Variants in C4orf54 observed in about 807,000 individuals in gnomAD.
C4orf54 encodes chromosome 4 open reading frame 54.
C4orf54 carries 67 observed loss-of-function variants against 80.1 expected under a neutral mutation model. The ratio of observed to expected loss-of-function variants is 0.84; its 90% CI spans 0.69 to 1.03. The LOEUF (loss-of-function observed/expected upper bound fraction) is 1.03, where lower values mean the gene tolerates loss of function less well. C4orf54 is among the 50% of genes least tolerant of loss of function. C4orf54 has a pLI of 0.00. For missense variants in C4orf54, 2,434 were observed against 2,253.5 expected (o/e 1.08, Z -1.62); for synonymous variants, 1,000 against 917.0 (o/e 1.09, Z -1.64).
chr4:99,650,608 G>A lies in C4orf54; in HGVS notation c.4041C>T (p.Pro1347=). Residue 1347 remains proline, a synonymous_variant, in exon 2 of 3, where the codon CCC becomes CCT. Transcript: ENST00000511828. ...CCCTGGCAGACACACTCTCAGCGCT[G>A]GGGTTGGAGTTTCTCCGCTGCAGAC... The part of the protein sequence containing the change: ...IERLQRRNSN[P]SAESVSARAA... 1 of 1,536,084 alleles carries A rather than the reference G, an allele frequency of 6.5e-7. No individual in the cohort carries two copies. The highest frequency in any genetic ancestry group is 8.7e-7 in the Non-Finnish European group (1 of 1,146,892).
rs1372027631 is a variant in C4orf54 at position 99,653,211 on chromosome 4, G to A, written c.1438C>T (p.Pro480Ser). The A allele has an allele frequency of 2.0e-6, 3 of 1,535,054 alleles. No homozygotes were observed. Among genetic ancestry groups the A allele is most frequent in the South Asian group, 1.2e-5 (1 of 84,004 alleles). Residue 480 changes from proline (P) to serine (S), a missense_variant, in exon 2 of 3, where the codon CCC becomes TCC. By Grantham distance (74) the Pro-to-Ser change is moderately conservative. Transcript: ENST00000511828. ...GSGPSDSGPT[P>S]PPTGPGTAPL... ...GCAGTGCCAGGCCCAGTGGGTGGGGGAGTGGGGCCACTGTCAGAGGGGCCA... is the reference window on the plus strand; with the variant it reads ...GCAGTGCCAGGCCCAGTGGGTGGGGAAGTGGGGCCACTGTCAGAGGGGCCA...
chr4:99,643,016 C>T (rs939404319), intron 2 of C4orf54, among the ~76,000 whole-genome samples: 2 of 152,180 alleles, frequency 1.3e-5, no homozygotes, highest in African/African-American at 4.8e-5. Flanking sequence ...GCTGTGGGCA[C>T]TGCCTCCGGT....
chr4:99,655,181 G>A (rs1346111942), intron 1 of C4orf54, among the ~76,000 whole-genome samples: 1 of 152,142 alleles, frequency 6.6e-6, no homozygotes, highest in Non-Finnish European at 1.5e-5. Context: ...AACACGACCT[G>A]TTTGGTTCAA....
In C4orf54 at chr4:99,656,411, CT is replaced by C. The variant is rs1369495415; in HGVS notation, c.-32+1083del. Among the ~76,000 whole-genome samples the C allele has an allele frequency of 1.7e-4, 26 of 152,204 alleles. No homozygotes were observed. The East Asian group carries it at 3.3e-3, about 19-fold the overall frequency. ...TCTCGTACCTCAGCCTCCTTAGCAG[CT>C]GGGACCACAGGAGCACCCCACCACG... is the stretch of plus-strand genomic sequence containing the variant. On this transcript the variant is annotated intron_variant, in intron 1 of 2. Coordinates refer to ENST00000511828, the MANE Select transcript of C4orf54 (RefSeq NM_001354435.2).
chr4:99,651,840 G>T lies in C4orf54; in HGVS notation c.2809C>A (p.Leu937Ile). 2.0e-6 allele frequency: 3 copies of T among 1,536,140 alleles called. No homozygotes were observed. The highest frequency in any genetic ancestry group is 1.7e-4 in the Middle Eastern group (1 of 5,990). ...CGGAACGCACTGTTCTGACTACGGA[G>T]GAAGATGCCCTTGACGGTCTCTGAG... Reference protein sequence around the residue: ...SASETVKGIFLRSQNSAFRSW... With the variant: ...SASETVKGIFIRSQNSAFRSW... Residue 937 changes from leucine to isoleucine, a missense_variant, in exon 2 of 3, where the codon CTC (leucine) becomes ATC (isoleucine). Physicochemically the swap from Leu to Ile is conservative, Grantham distance 5. Coordinates refer to ENST00000511828, the MANE Select transcript of C4orf54 (RefSeq NM_001354435.2).
chr4:99,644,534 T>C (rs984885309), intron 2 of C4orf54, among the ~76,000 whole-genome samples: 2 of 152,090 alleles, frequency 1.3e-5, no homozygotes, highest in African/African-American at 4.8e-5. Context: ...ACTATTCAAT[T>C]CATGAAGGTA....
intron 2 of C4orf54, among the ~76,000 whole-genome samples, chr4:99,645,848 G>A (rs1179512730): frequency 6.6e-6 from 1 of 152,144 alleles, no homozygotes; most frequent in Non-Finnish European, 1.5e-5. Flanking sequence ...TAGCCATCTG[G>A]GCAGTTGGGT....
intron 2 of C4orf54, among the ~76,000 whole-genome samples, chr4:99,647,916 C>T (rs1033099679): frequency 2.0e-5 from 3 of 152,124 alleles, no homozygotes; most frequent in Non-Finnish European, 2.9e-5. Context: ...TGCTAACTCC[C>T]GAATGAAGGC....
In C4orf54 at chr4:99,653,734, G is replaced by A. The variant is rs1726911129; in HGVS notation, c.915C>T (p.Phe305=). ...ALATSSSSLG[F]ESESGESEGC... The stretch of plus-strand genomic sequence containing the variant: ...CTTCACTTTCACCACTCTCACTCTC[G>A]AAGCCTAAGGATGAAGAGGAGGTGG... The change falls in exon 2 of 3, where the codon TTC becomes TTT. Residue 305 remains phenylalanine, a synonymous_variant. Transcript: ENST00000511828. 5.2e-6 allele frequency: 8 copies of A among 1,534,784 alleles called. No homozygotes were observed. Among genetic ancestry groups the A allele is most frequent in the South Asian group, 1.2e-5 (1 of 83,980 alleles).
At chr4:99,648,042 C>G (rs1294507838) in intron 2 of C4orf54, among the ~76,000 whole-genome samples, 1 of 135,880 alleles carries the variant, frequency 7.4e-6, no homozygotes, top group East Asian at 2.4e-4. Flanking sequence ...CTTTCCATCT[C>G]TTTTTTTTTC....
At chr4:99,655,169 G>A (rs6858032) in intron 1 of C4orf54, among the ~76,000 whole-genome samples, 26,762 of 152,152 alleles carry the variant, frequency 0.18, 2,707 homozygotes, top group East Asian at 0.43. Context: ...TACACTCTAT[G>A]AAACACGACC....
In C4orf54 at chr4:99,650,688, C is replaced by T. The variant is rs1007123210; in HGVS notation, c.3961G>A (p.Glu1321Lys). The T allele has an allele frequency of 3.3e-6, 5 of 1,536,040 alleles. No individual in the cohort carries two copies. The highest frequency in any genetic ancestry group is 4.4e-6 in the Non-Finnish European group (5 of 1,146,932). ...CCAGCTTTGTTTCCTGTGCCCCGCT[C>T]TTCCACCTCACCCAGCCGTTTGGAC... ...KLSKRLGEVE[E>K]RGTGNKAGVV... The change falls in exon 2 of 3, where the codon GAG becomes AAG. Residue 1321 changes from glutamate to lysine, a missense_variant. Physicochemically the swap from Glu to Lys is moderately conservative, Grantham distance 56. Transcript: ENST00000511828.
At position 99,654,367 on chromosome 4, in the gene C4orf54, T is replaced by C; in HGVS notation, c.282A>G (p.Ala94=). The change falls in exon 2 of 3, where the codon GCA becomes GCG. Residue 94 remains alanine (A), a synonymous_variant. Coordinates refer to ENST00000511828, the MANE Select transcript of C4orf54 (RefSeq NM_001354435.2). ...LKNWEVVAAV[A]AVPTALGPVQ... ...CTGGCCCCAAGGCTGTAGGCACTGC[T>C]GCCACTGCTGCCACCACCTCCCAGT... The C allele has an allele frequency of 9.7e-7, 1 of 1,036,004 alleles. No individual in the cohort carries two copies. Among genetic ancestry groups the C allele is most frequent in the East Asian group, 2.6e-5 (1 of 38,636 alleles). 64.2% of individuals were successfully genotyped at this position (1,036,004 alleles called of 1,614,324 possible). A position where few individuals can be genotyped will look rare whatever the true frequency, so the allele number is the denominator to read the frequency against.
chr4:99,648,913 C>T (rs1034750949), intron 2 of C4orf54, among the ~76,000 whole-genome samples: 1 of 152,100 alleles, frequency 6.6e-6, no homozygotes, highest in African/African-American at 2.4e-5. Context: ...TTTCTTTGCC[C>T]TGACAACGTT....
Position 99,649,958 on chromosome 4 carries a change from G to A in C4orf54, c.4691C>T (p.Pro1564Leu), listed in dbSNP as rs1445691437. The change falls in exon 2 of 3, where the codon CCG becomes CTG. Residue 1564 changes from proline (P) to leucine (L), a missense_variant. By Grantham distance (98) the Pro-to-Leu change is moderately conservative. Transcript: ENST00000511828. ...GGCCCCCTGTAGGGTGAAGGGCAGC[G>A]GCGGCTGGTGGTAGATGGTGGTGGG... ...HPPTTIYHQP[P>L]LPFTLQGAQP... The A allele has an allele frequency of 7.2e-6, 11 of 1,533,536 alleles. No homozygotes were observed. The highest frequency in any genetic ancestry group is 2.0e-5 in the Admixed American group (1 of 50,920). The allele number at this position is 1,533,536 out of a possible 1,614,324, so 95.0% of individuals were successfully genotyped here. A position where few individuals can be genotyped will look rare whatever the true frequency, so the allele number is the denominator to read the frequency against.
rs1462594810 is a variant in C4orf54 at position 99,650,892 on chromosome 4, C to T, written c.3757G>A (p.Ala1253Thr). Residue 1253 changes from alanine to threonine, a missense_variant, in exon 2 of 3, where the codon GCC (alanine) becomes ACC (threonine). By Grantham distance (58) the Ala-to-Thr change is moderately conservative. Transcript: ENST00000511828. The stretch of plus-strand genomic sequence containing the variant: ...ACGGCTGCAGTCAGCTTCTCCAGGG[C>T]ATTCCGGGCTGGCTTCGTGGCTTTC... ...EGKATKPARN[A>T]LEKLTAAVRS... 1 of 1,536,214 alleles carries T rather than the reference C, an allele frequency of 6.5e-7. No homozygotes were observed. The highest frequency in any genetic ancestry group is 2.0e-5 in the Admixed American group (1 of 51,008).
chr4:99,657,266 A>G (rs1242570815), intron 1 of C4orf54, among the ~76,000 whole-genome samples: 1 of 152,232 alleles, frequency 6.6e-6, no homozygotes, highest in African/African-American at 2.4e-5. Flanking sequence ...AGCACTTTTC[A>G]TATGGCCTTG....
intron 1 of C4orf54, among the ~76,000 whole-genome samples, chr4:99,655,017 A>G (rs1726956869): frequency 6.6e-6 from 1 of 152,236 alleles, no homozygotes; most frequent in Non-Finnish European, 1.5e-5. Context: ...GAAATATTTC[A>G]AAGTCTCCCT....
chr4:99,637,597 A>G lies in C4orf54; in HGVS notation c.*3636T>C, dbSNP rs935234056. The G allele has an allele frequency of 6.6e-6, 1 of 152,194 alleles. No individual in the cohort carries two copies. Among genetic ancestry groups the G allele is most frequent in the African/African-American group, 2.4e-5 (1 of 41,452 alleles). The allele number at this position is 152,194 out of a possible 1,614,324, so 9.4% of individuals were successfully genotyped here. A position where few individuals can be genotyped will look rare whatever the true frequency, so the allele number is the denominator to read the frequency against. ...GATAATATATATCTTATTTCTACAT[A>G]TATCTCCTTAGAAATTATGTGAAAG... is the stretch of plus-strand genomic sequence containing the variant. On this transcript the variant is annotated 3_prime_UTR_variant, in exon 3 of 3. Transcript: ENST00000511828.
Sources: allele counts gnomAD v4.1 joint callset (sites outside exome capture counted in the v4.1 genomes callset), GRCh38; gene constraint gnomAD v4.1.1; transcripts MANE v1.5; gene names NCBI Gene and HGNC (gene_info 2026-07-23, HGNC 2026-07-21).